The following HVCN1 variants were observed in gnomAD, a reference collection of about 807,000 sequenced individuals.
HVCN1 encodes hydrogen voltage gated channel 1, also known as voltage-gated hydrogen channel 1.
In HVCN1, 14 loss-of-function variants were observed where a neutral mutation model predicts 29.2. The ratio of observed to expected loss-of-function variants is 0.48; its 90% CI spans 0.32 to 0.75. The LOEUF is 0.75. HVCN1 is among the 30% of genes least tolerant of loss of function. The probability of loss-of-function intolerance (pLI) is 0.04; values close to 1 mark genes in which losing one functional copy is unlikely to be tolerated. For synonymous variants in HVCN1, 131 were observed against 133.2 expected, an observed-to-expected ratio of 0.98 and a Z score of 0.11; for missense variants, 263 against 341.8, an observed-to-expected ratio of 0.77 and a Z score of 1.82.
At chr12:110,656,318 G>A (rs1245752105) in intron 4 of HVCN1, among the ~76,000 whole-genome samples, 1 of 152,204 alleles carries the variant, frequency 6.6e-6, no homozygotes, top group Admixed American at 6.5e-5. Flanking sequence ...CCTGGGCTTT[G>A]TGATGGGCTG....
intron 3 of HVCN1, among the ~76,000 whole-genome samples, chr12:110,667,046 A>G (rs1160553318): frequency 1.3e-5 from 2 of 152,122 alleles, no homozygotes; most frequent in African/African-American, 4.8e-5. Context: ...TGCTGGGCTC[A>G]TCTCGGCCGG....
intron 2 of HVCN1, among the ~76,000 whole-genome samples, chr12:110,697,107 G>C (rs1462313664): frequency 6.6e-6 from 1 of 151,996 alleles, no homozygotes; most frequent in Non-Finnish European, 1.5e-5. Flanking sequence ...GAGAAGCCTG[G>C]GAGGGGGCCA....
chr12:110,670,938 T>C (rs2068554955), intron 3 of HVCN1, among the ~76,000 whole-genome samples: 1 of 152,150 alleles, frequency 6.6e-6, no homozygotes. Flanking sequence ...ACGCCTGTAA[T>C]CCCAGCACTT....
rs2068068674 is a variant in HVCN1 at position 110,658,729 on chromosome 12, C to G, written c.306+2435G>C. 6.6e-6 allele frequency among the ~76,000 whole-genome samples: 1 copy of G among 152,186 alleles called. No individual in the cohort carries two copies. The highest frequency in any genetic ancestry group is 2.4e-5 in the African/African-American group (1 of 41,424). On this transcript the variant is annotated intron_variant, in intron 4 of 7. Coordinates refer to ENST00000242607, the MANE Select transcript of HVCN1 (RefSeq NM_032369.4). This position sits in a 1 kb window ranked among gnomAD's most constrained non-coding sequence, Gnocchi z 5.0. ...CCAATGTGTGTCTCAGTGATGGCTCCCGTCATTCCTGCCTTTCTGCAGCCT... is the reference window on the plus strand; with the variant it reads ...CCAATGTGTGTCTCAGTGATGGCTCGCGTCATTCCTGCCTTTCTGCAGCCT...
rs2068059008 is a variant in HVCN1 at position 110,658,483 on chromosome 12, C to G, written c.306+2681G>C. 6.6e-6 allele frequency among the ~76,000 whole-genome samples: 1 copy of G among 152,158 alleles called. No homozygotes were observed. The highest frequency in any genetic ancestry group is 6.5e-5 in the Admixed American group (1 of 15,280). On this transcript the variant is annotated intron_variant, in intron 4 of 7. Coordinates refer to ENST00000242607, the MANE Select transcript of HVCN1 (RefSeq NM_032369.4). This position sits in a 1 kb window ranked among gnomAD's most constrained non-coding sequence, Gnocchi z 5.0. The stretch of plus-strand genomic sequence containing the variant: ...AATTGCCTGCTGGCAACACCCATAC[C>G]CGATCCACGTGCGCCCTTCTCAATT...
At chr12:110,653,903 AT>A (rs1566028155) in intron 5 of HVCN1, among the ~76,000 whole-genome samples, 1 of 152,162 alleles carries the variant, frequency 6.6e-6, no homozygotes, top group East Asian at 1.9e-4. Flanking sequence ...TATTGATCTT[AT>A]TTTAGATCTG....
In HVCN1 at chr12:110,676,929, C is replaced by G. The variant is rs892853758; in HGVS notation, c.21+6296G>C. ...ACACTCCCTTATTTAAAACTTTTGGCTGGGTGCAGTCACTCACACCTGTAA... is the reference window on the plus strand; with the variant it reads ...ACACTCCCTTATTTAAAACTTTTGGGTGGGTGCAGTCACTCACACCTGTAA... On this transcript the variant is annotated intron_variant, in intron 3 of 7. Coordinates refer to ENST00000242607, the MANE Select transcript of HVCN1 (RefSeq NM_032369.4). The surrounding 1 kb of genome is among the most constrained non-coding windows in gnomAD (Gnocchi z 4.1). Among the ~76,000 whole-genome samples the G allele has an allele frequency of 1.3e-5, 2 of 152,126 alleles. No homozygotes were observed. Among genetic ancestry groups the G allele is most frequent in the Non-Finnish European group, 2.9e-5 (2 of 68,038 alleles).
At chr12:110,701,944 TC>T (rs1415867226) in intron 2 of HVCN1, among the ~76,000 whole-genome samples, 1 of 125,038 alleles carries the variant, frequency 8.0e-6, no homozygotes, top group East Asian at 2.0e-4. Flanking sequence ...CGGTAGCTTT[TC>T]TTTTTTCTTT....
At chr12:110,663,960 C>T (rs1207641101) in intron 3 of HVCN1, among the ~76,000 whole-genome samples, 1 of 152,054 alleles carries the variant, frequency 6.6e-6, no homozygotes, top group Non-Finnish European at 1.5e-5. Flanking sequence ...CACTTGTCAC[C>T]CAGGCTAGAT....
intron 2 of HVCN1, among the ~76,000 whole-genome samples, chr12:110,696,944 C>A (rs922475533): frequency 6.6e-6 from 1 of 151,670 alleles, no homozygotes; most frequent in African/African-American, 2.4e-5. Context: ...ATGGCTTGGA[C>A]AAGTCGGTTG....
intron 5 of HVCN1, among the ~76,000 whole-genome samples, chr12:110,653,374 G>A (rs1357631176): frequency 6.6e-6 from 1 of 152,002 alleles, no homozygotes; most frequent in Non-Finnish European, 1.5e-5. Flanking sequence ...GCGGGAGGAA[G>A]GCTTGAGCCC....
At position 110,677,206 on chromosome 12, in the gene HVCN1, T is replaced by TA. The variant is rs761362057; in HGVS notation, c.21+6018dup. Among the ~76,000 whole-genome samples the TA allele has an allele frequency of 7.4e-3, 1,069 of 144,172 alleles. 3 individuals are homozygous for TA. Among genetic ancestry groups the TA allele is most frequent in the Non-Finnish European group, 0.01 (657 of 65,330 alleles). 94.6% of individuals were successfully genotyped at this position (144,172 alleles called of 152,430 possible). A position where few individuals can be genotyped will look rare whatever the true frequency, so the allele number is the denominator to read the frequency against. ...GGTGATACAGCAAGACCTTGTCTGTTAAAAAAAAAAAAGACATCAATGCCT... is the reference window on the plus strand; with the variant it reads ...GGTGATACAGCAAGACCTTGTCTGTTAAAAAAAAAAAAAGACATCAATGCCT... On this transcript the variant is annotated intron_variant, in intron 3 of 7. Transcript: ENST00000242607.
upstream of HVCN1, among the ~76,000 whole-genome samples, chr12:110,689,995 A>G (rs769317383): frequency 6.6e-6 from 1 of 152,186 alleles, no homozygotes; most frequent in Non-Finnish European, 1.5e-5. The surrounding 1 kb of genome is among the most constrained non-coding windows in gnomAD (Gnocchi z 5.7). Context: ...TAGTTTCCTC[A>G]TGCCGCTGTT....
intron 5 of HVCN1, among the ~76,000 whole-genome samples, chr12:110,651,656 C>G (rs2067817623): frequency 6.6e-6 from 1 of 152,230 alleles, no homozygotes; most frequent in South Asian, 2.1e-4. Flanking sequence ...AAAGCATCCT[C>G]TAGACCCTTT....
At position 110,654,446 on chromosome 12, in the gene HVCN1, C is replaced by T. The variant is rs2067917032; in HGVS notation, c.411+788G>A. Reference sequence around the variant, plus strand: ...TCCATTTTGTTTTTCCAAAAAAGGGCATGGCGGGGGATGGGGGGGAAATGC... The same window carrying T: ...TCCATTTTGTTTTTCCAAAAAAGGGTATGGCGGGGGATGGGGGGGAAATGC... On this transcript the variant is annotated intron_variant, in intron 5 of 7. Coordinates refer to ENST00000242607, the MANE Select transcript of HVCN1 (RefSeq NM_032369.4). Among the ~76,000 whole-genome samples the T allele has an allele frequency of 2.0e-5, 3 of 148,412 alleles. No individual in the cohort carries two copies. In the South Asian group the frequency reaches 6.4e-4, roughly 32 times the overall value.
Position 110,648,797 on chromosome 12 carries a change from T to TTTA in HVCN1, c.*610_*612dup, listed in dbSNP as rs1353116409. 3.4e-6 allele frequency: 1 copy of TTTA among 296,224 alleles called. No individual in the cohort carries two copies. The highest frequency in any genetic ancestry group is 6.4e-6 in the Non-Finnish European group (1 of 155,536). 18.3% of individuals were successfully genotyped at this position (296,224 alleles called of 1,614,324 possible). A position where few individuals can be genotyped will look rare whatever the true frequency, so the allele number is the denominator to read the frequency against. ...AGGAGGGTCCAGGGAAAAGAGAGAG[T>TTTA]TTATTTTATACAGTAGTTGTTTTAT... On this transcript the variant is annotated 3_prime_UTR_variant, in exon 8 of 8. Coordinates refer to ENST00000242607, the MANE Select transcript of HVCN1 (RefSeq NM_032369.4).
In HVCN1 at chr12:110,650,287, T is replaced by A; in HGVS notation, c.644-7A>T. On this transcript the variant is annotated splice_polypyrimidine_tract_variant and splice_region_variant and intron_variant, in intron 6 of 7. Coordinates refer to ENST00000242607, the MANE Select transcript of HVCN1 (RefSeq NM_032369.4). ...TTAACTGAGATGATAATCCCTGAAA[T>A]AAAATTGGGGGTCTCAGTGATACTG... is the stretch of plus-strand genomic sequence containing the variant. 1 of 1,572,220 alleles carries A rather than the reference T, an allele frequency of 6.4e-7. No homozygotes were observed. The highest frequency in any genetic ancestry group is 8.8e-7 in the Non-Finnish European group (1 of 1,142,254).
chr12:110,701,283 C>G (rs977214097), intron 2 of HVCN1, among the ~76,000 whole-genome samples: 1 of 152,194 alleles, frequency 6.6e-6, no homozygotes, highest in Non-Finnish European at 1.5e-5. Context: ...CTGGGGAACA[C>G]CTGTGTGTTT....
chr12:110,651,607 C>T (rs777396679), intron 5 of HVCN1, among the ~76,000 whole-genome samples, 159 bp from the exon 6 acceptor site: 2 of 152,160 alleles, frequency 1.3e-5, no homozygotes, highest in Middle Eastern at 3.2e-3. Flanking sequence ...ACAGATGAGG[C>T]ACCTGCTCTC....
Sources: gnomAD v4.1 joint callset for allele counts (sites outside exome capture counted in the v4.1 genomes callset) on GRCh38, gnomAD v4.1.1 for gene constraint, Gnocchi (gnomAD v3.1) non-coding constraint, MANE v1.5 for transcripts, NCBI Gene and HGNC (gene_info 2026-07-23, HGNC 2026-07-21) for gene names.